Variants in DENND4C observed in about 807,000 individuals in gnomAD.
DENND4C encodes DENN domain-containing protein 4C.
A neutral mutation model predicts 203.0 loss-of-function variants in DENND4C; 108 were observed. That is an observed-to-expected ratio of 0.53 (90% CI 0.46 to 0.62). The LOEUF is 0.62. DENND4C is among the 20% of genes least tolerant of loss of function. The probability of loss-of-function intolerance (pLI) is 0.00; values close to 1 mark genes in which losing one functional copy is unlikely to be tolerated. For missense variants in DENND4C, 2,481 were observed against 2,301.2 expected (o/e 1.08, Z -1.60); for synonymous variants, 871 against 792.4 (o/e 1.10, Z -1.67).
intron 1 of DENND4C, among the ~76,000 whole-genome samples, chr9:19,264,838 G>T (rs1477422332): frequency 6.6e-6 from 1 of 151,378 alleles, no homozygotes; most frequent in East Asian, 1.9e-4. Context: ...TTTGGGTTTG[G>T]TTTGCTTTTG....
At chr9:19,238,489 CT>C (rs1822679652) in intron 1 of DENND4C, among the ~76,000 whole-genome samples, 2 of 22,356 alleles carry the variant, frequency 8.9e-5, no homozygotes, top group Non-Finnish European at 1.6e-4. Flanking sequence ...CCTCCCCCTT[CT>C]CCTCCCCTCC....
At chr9:19,251,729 G>C (rs1826652344) in intron 1 of DENND4C, among the ~76,000 whole-genome samples, 1 of 152,172 alleles carries the variant, frequency 6.6e-6, no homozygotes, top group African/African-American at 2.4e-5. Flanking sequence ...CAAATCTCTA[G>C]GACAGGAGCA....
Position 19,373,343 on chromosome 9 carries a change from G to A in DENND4C, c.*1170G>A, listed in dbSNP as rs1463439460. The A allele has an allele frequency of 1.3e-5, 2 of 152,548 alleles. No individual in the cohort carries two copies. The highest frequency in any genetic ancestry group is 1.3e-4 in the Admixed American group (2 of 15,282). The allele number at this position is 152,548 out of a possible 1,614,324, so 9.4% of individuals were successfully genotyped here. A position where few individuals can be genotyped will look rare whatever the true frequency, so the allele number is the denominator to read the frequency against. On this transcript the variant is annotated 3_prime_UTR_variant, in exon 33 of 33. Transcript: ENST00000434457. The stretch of plus-strand genomic sequence containing the variant: ...TAGTTAAAATGAAATTAAATCAGCT[G>A]CCTAATAATTTATGGAATTCATTGG...
At chr9:19,325,090 C>G (rs931562752) in intron 13 of DENND4C, among the ~76,000 whole-genome samples, 11 of 151,816 alleles carry the variant, frequency 7.2e-5, no homozygotes, top group African/African-American at 2.2e-4. Flanking sequence ...TTTTCTTGAG[C>G]CTTGTGAGTT....
At chr9:19,360,697 C>G (rs1826277510) in intron 29 of DENND4C, among the ~76,000 whole-genome samples, 1 of 152,200 alleles carries the variant, frequency 6.6e-6, no homozygotes, top group African/African-American at 2.4e-5. Flanking sequence ...TCCTCCATTT[C>G]CAAGTTCTGC....
rs959871933 is a variant in DENND4C at position 19,362,036 on chromosome 9, G to C, written c.5524+73G>C. On this transcript the variant is annotated intron_variant, in intron 30 of 32. Transcript: ENST00000434457. ...CACCTGTAATGCCAGCACTTTGGGA[G>C]GCCTAGGCTGGCGGACCACTTGAGG... 1.1e-5 allele frequency: 10 copies of C among 873,642 alleles called. No homozygotes were observed. The African/African-American group carries it at 1.5e-4, about 13-fold the overall frequency. The allele number at this position is 873,642 out of a possible 1,614,324, so 54.1% of individuals were successfully genotyped here. A position where few individuals can be genotyped will look rare whatever the true frequency, so the allele number is the denominator to read the frequency against.
At chr9:19,335,326 A>T (rs1820205181) in intron 18 of DENND4C, among the ~76,000 whole-genome samples, 1 of 152,206 alleles carries the variant, frequency 6.6e-6, no homozygotes, top group African/African-American at 2.4e-5. Flanking sequence ...CGAGCTATTA[A>T]ATAATTAACA....
chr9:19,329,672 A>C (rs983189276), intron 16 of DENND4C, among the ~76,000 whole-genome samples: 3 of 152,194 alleles, frequency 2.0e-5, no homozygotes, highest in African/African-American at 7.2e-5. Context: ...CCAGTAGTGT[A>C]TGAGGGTTCC....
chr9:19,305,826 C>T (rs1839543719), intron 10 of DENND4C, among the ~76,000 whole-genome samples: 1 of 152,128 alleles, frequency 6.6e-6, no homozygotes, highest in Non-Finnish European at 1.5e-5. Flanking sequence ...ACACTGCTTT[C>T]AGAGCTCAAG....
chr9:19,365,560 G>C lies in DENND4C; in HGVS notation c.5524+3597G>C, dbSNP rs76319557. On this transcript the variant is annotated intron_variant, in intron 30 of 32. Transcript: ENST00000434457. ...GAGTAATTAGTCAAGAAAAGAAAAG[G>C]CATCCAAACTGGAAAGGAAAAAAGT... is the stretch of plus-strand genomic sequence containing the variant. Among the ~76,000 whole-genome samples, 1,295 of 151,920 alleles carry C rather than the reference G, an allele frequency of 8.5e-3. 25 individuals carry two copies. The highest frequency in any genetic ancestry group is 0.03 in the African/African-American group (1,247 of 41,440).
In DENND4C at chr9:19,373,915, GAATT is replaced by G. The variant is rs1378144050; in HGVS notation, c.*1743_*1746del. Among the ~76,000 whole-genome samples, 1 of 152,112 alleles carries G rather than the reference GAATT, an allele frequency of 6.6e-6. No homozygotes were observed. The highest frequency in any genetic ancestry group is 1.9e-4 in the East Asian group (1 of 5,182). On this transcript the variant is annotated 3_prime_UTR_variant, in exon 33 of 33. Transcript: ENST00000434457. The stretch of plus-strand genomic sequence containing the variant: ...TCTGACCTATGCAGAATTCTAGTGT[GAATT>G]TATTGTGAAAATGCTAAATGAAACA...
chr9:19,290,943 A>G (rs578028918), intron 5 of DENND4C, 67 bp downstream of exon 5: 1 of 1,447,446 alleles, frequency 6.9e-7, no homozygotes, highest in Non-Finnish European at 9.4e-7. Context: ...AGGTTAATAC[A>G]AGTTTTATTT....
intron 32 of DENND4C, 98 bp from the exon 33 acceptor site, chr9:19,371,939 A>T: frequency 7.5e-7 from 1 of 1,340,812 alleles, no homozygotes; most frequent in Non-Finnish European, 1.0e-6. Flanking sequence ...CTAAATATAT[A>T]GTTCAAATAC....
In DENND4C at chr9:19,372,303, A is replaced by G. The variant is rs1828985473; in HGVS notation, c.*130A>G. ...TTGAAGTAACTCTTGGGGACAATATATAATGAATTATGATTCATATTGCAT... is the reference window on the plus strand; with the variant it reads ...TTGAAGTAACTCTTGGGGACAATATGTAATGAATTATGATTCATATTGCAT... On this transcript the variant is annotated 3_prime_UTR_variant, in exon 33 of 33. Coordinates refer to ENST00000434457, the MANE Select transcript of DENND4C (RefSeq NM_001330640.2). 9.0e-7 allele frequency: 1 copy of G among 1,106,214 alleles called. No individual in the cohort carries two copies. The highest frequency in any genetic ancestry group is 1.3e-6 in the Non-Finnish European group (1 of 781,612). The allele number at this position is 1,106,214 out of a possible 1,614,324, so 68.5% of individuals were successfully genotyped here. A position where few individuals can be genotyped will look rare whatever the true frequency, so the allele number is the denominator to read the frequency against.
intron 1 of DENND4C, among the ~76,000 whole-genome samples, chr9:19,254,848 G>T (rs55978954): frequency 6.6e-6 from 1 of 151,952 alleles, no homozygotes; most frequent in African/African-American, 2.4e-5. Flanking sequence ...AAAGTTGGCC[G>T]GGACCGGGTG....
At position 19,305,474 on chromosome 9, in the gene DENND4C, T is replaced by C. The variant is rs1260547159; in HGVS notation, c.1434T>C (p.His478=). 3.7e-6 allele frequency: 6 copies of C among 1,613,878 alleles called. No homozygotes were observed. Among genetic ancestry groups the C allele is most frequent in the Non-Finnish European group, 4.2e-6 (5 of 1,179,964 alleles). The change falls in exon 10 of 33, where the codon CAT becomes CAC. Residue 478 remains histidine, a synonymous_variant. Transcript: ENST00000434457. ...TTGACTCAAGGTATTTTGATCTTCATGACCCACCACAAGATGTTGTTTGCA... is the reference window on the plus strand; with the variant it reads ...TTGACTCAAGGTATTTTGATCTTCACGACCCACCACAAGATGTTGTTTGCA... ...VGVDSRYFDL[H]DPPQDVVCID... is the part of the protein sequence containing the mutation.
At chr9:19,362,079 G>A in intron 30 of DENND4C, 116 bp downstream of exon 30, 1 of 578,130 alleles carries the variant, frequency 1.7e-6, no homozygotes, top group Non-Finnish European at 3.0e-6. Context: ...TTGGAGACCA[G>A]GCTGGCCAAC....
rs753497238 is a variant in DENND4C at position 19,300,147 on chromosome 9, A to G, written c.1167-40A>G. The G allele has an allele frequency of 2.6e-6, 4 of 1,550,336 alleles. No individual in the cohort carries two copies. In the Admixed American group the frequency reaches 5.3e-5, roughly 20 times the overall value. On this transcript the variant is annotated intron_variant, in intron 8 of 32. Coordinates refer to ENST00000434457, the MANE Select transcript of DENND4C (RefSeq NM_001330640.2). Reference sequence around the variant, plus strand: ...GCAAATCTTAACATATTTCAGCAAAATAGTTCACAATGATCTACTTTTCTC... The same window carrying G: ...GCAAATCTTAACATATTTCAGCAAAGTAGTTCACAATGATCTACTTTTCTC...
chr9:19,322,427 G>C (rs556291880), intron 12 of DENND4C, among the ~76,000 whole-genome samples: 2 of 152,130 alleles, frequency 1.3e-5, no homozygotes, highest in Non-Finnish European at 2.9e-5. Flanking sequence ...AGTATTGGAC[G>C]GAGAAAGAAG....
Sources: gnomAD v4.1 joint callset for allele counts (sites outside exome capture counted in the v4.1 genomes callset) on GRCh38, gnomAD v4.1.1 for gene constraint, MANE v1.5 for transcripts, NCBI Gene and HGNC (gene_info 2026-07-23, HGNC 2026-07-21) for gene names.